ACSL6: variants seen among roughly 807,000 people sequenced by gnomAD.
ACSL6 encodes the protein long-chain-fatty-acid--CoA ligase 6.
A neutral mutation model predicts 98.2 loss-of-function variants in ACSL6; 47 were observed. The ratio of observed to expected loss-of-function variants is 0.48; its 90% CI spans 0.38 to 0.61. The LOEUF is 0.61. Ranked by LOEUF, ACSL6 falls within the 20% of genes least tolerant of loss-of-function variation. The probability of loss-of-function intolerance (pLI) is 0.00; values close to 1 mark genes in which losing one functional copy is unlikely to be tolerated. For missense variants in ACSL6, 761 were observed against 913.4 expected (o/e 0.83, Z 2.15); for synonymous variants, 362 against 336.9 (o/e 1.07, Z -0.82).
At chr5:131,971,109 T>C (rs996363354) in intron 14 of ACSL6, among the ~76,000 whole-genome samples, 2 of 152,164 alleles carry the variant, frequency 1.3e-5, no homozygotes, top group African/African-American at 4.8e-5. Flanking sequence ...GAATGGAAAA[T>C]GAAGAAATAA....
At chr5:131,976,584 A>C (rs1753628962) in intron 10 of ACSL6, 64 bp downstream of exon 10, 1 of 1,374,850 alleles carries the variant, frequency 7.3e-7, no homozygotes, top group African/African-American at 1.5e-5. Flanking sequence ...AAATAAAAAA[A>C]AATCCTCTGA....
At chr5:131,972,316 A>T (rs1170399964) in intron 13 of ACSL6, among the ~76,000 whole-genome samples, 1 of 152,184 alleles carries the variant, frequency 6.6e-6, no homozygotes, top group African/African-American at 2.4e-5. Context: ...GACAGAACAC[A>T]GAAAAGAAAA....
intron 9 of ACSL6, among the ~76,000 whole-genome samples, chr5:131,978,195 T>A (rs1431791330): frequency 2.6e-5 from 4 of 152,178 alleles, no homozygotes; most frequent in Non-Finnish European, 5.9e-5. Context: ...AGAAATCTTA[T>A]CCACGAGACC....
intron 1 of ACSL6, chr5:131,994,702 T>C: frequency 5.5e-6 from 1 of 181,746 alleles, no homozygotes; most frequent in East Asian, 1.4e-4. Flanking sequence ...TGCCCAGGGG[T>C]GAAGGAATGC....
intron 12 of ACSL6, 92 bp downstream of exon 12, chr5:131,973,174 G>A: frequency 6.7e-7 from 1 of 1,497,548 alleles, no homozygotes; most frequent in Non-Finnish European, 9.0e-7. Context: ...TGGCAGTGGA[G>A]GCACTGAAAG....
In ACSL6 at chr5:131,994,092, G is replaced by A; in HGVS notation, c.209C>T (p.Thr70Ile). Residue 70 changes from threonine to isoleucine, a missense_variant, in exon 2 of 21, where the codon ACT (threonine) becomes ATT (isoleucine). By Grantham distance (89) the Thr-to-Ile change is moderately conservative (BLOSUM62 -1). Coordinates refer to ENST00000651883, the MANE Select transcript of ACSL6 (RefSeq NM_001009185.3). Reference sequence around the variant, plus strand: ...CGGCTGCAAGGCCTTTGGCCGGTGAGTGAACCAGTAGGCAAGGATGGCAGC... The same window carrying A: ...CGGCTGCAAGGCCTTTGGCCGGTGAATGAACCAGTAGGCAAGGATGGCAGC... Reference protein sequence around the residue: ...ALAAILAYWFTHRPKALQPPC... With the variant: ...ALAAILAYWFIHRPKALQPPC... The A allele has an allele frequency of 6.2e-7, 1 of 1,614,206 alleles. No individual in the cohort carries two copies. The highest frequency in any genetic ancestry group is 8.5e-7 in the Non-Finnish European group (1 of 1,180,036).
intron 9 of ACSL6, among the ~76,000 whole-genome samples, chr5:131,981,021 C>T (rs1488765538): frequency 2.6e-5 from 4 of 152,122 alleles, no homozygotes; most frequent in African/African-American, 9.7e-5. Context: ...ACAAAGGAGG[C>T]AGAAGCCGTC....
chr5:132,000,868 C>T (rs1048779819), intron 1 of ACSL6, among the ~76,000 whole-genome samples: 19 of 152,184 alleles, frequency 1.2e-4, no homozygotes, highest in Non-Finnish European at 4.4e-5. Context: ...TGCCCAATTG[C>T]CTGGCAAGTC....
intron 17 of ACSL6, among the ~76,000 whole-genome samples, chr5:131,964,713 AC>A (rs1580633038): frequency 6.6e-6 from 1 of 152,350 alleles, no homozygotes; most frequent in East Asian, 1.9e-4. Flanking sequence ...CCCTGAGCCA[AC>A]AGGACAATCC....
At position 131,988,513 on chromosome 5, in the gene ACSL6, C is replaced by T. The variant is rs1224473548; in HGVS notation, c.653-287G>A. On this transcript the variant is annotated intron_variant, in intron 6 of 20. Coordinates refer to ENST00000651883, the MANE Select transcript of ACSL6 (RefSeq NM_001009185.3). ...GGTCTGTTTGAGATATTTACCACCCCCTGCATCTGTGCCAAGCTGTCATGA... is the reference window on the plus strand; with the variant it reads ...GGTCTGTTTGAGATATTTACCACCCTCTGCATCTGTGCCAAGCTGTCATGA... 6 of 1,607,216 alleles carry T rather than the reference C, an allele frequency of 3.7e-6. No individual in the cohort carries two copies. The African/African-American group carries it at 5.3e-5, about 14-fold the overall frequency.
chr5:131,981,216 T>G (rs1053559077), intron 9 of ACSL6, among the ~76,000 whole-genome samples: 15 of 149,980 alleles, frequency 1.0e-4, no homozygotes, highest in Non-Finnish European at 1.9e-4. Context: ...TTCTCAGCTA[T>G]AAGAAACACT....
At chr5:131,988,547 G>C (rs1754323666) in intron 6 of ACSL6, 1 of 1,552,530 alleles carries the variant, frequency 6.4e-7, no homozygotes, top group Non-Finnish European at 8.8e-7. Context: ...GAACTTCAGA[G>C]GGCTGTACCC....
upstream of ACSL6, chr5:132,011,924 G>A: frequency 1.3e-6 from 2 of 1,556,122 alleles, no homozygotes; most frequent in Non-Finnish European, 1.7e-6. This position sits in a 1 kb window ranked among gnomAD's most constrained non-coding sequence, Gnocchi z 5.4. Flanking sequence ...CTGGCATTCT[G>A]CGGAAACCGG....
At chr5:132,009,213 TTA>T (rs1321152070) in intron 1 of ACSL6, among the ~76,000 whole-genome samples, 1 of 152,158 alleles carries the variant, frequency 6.6e-6, no homozygotes, top group Non-Finnish European at 1.5e-5. Flanking sequence ...ATCCCCGACT[TTA>T]TGTCATCTCT....
At position 131,988,496 on chromosome 5, in the gene ACSL6, T is replaced by C. The variant is rs530940241; in HGVS notation, c.653-270A>G. The C allele has an allele frequency of 2.0e-6, 3 of 1,519,274 alleles. No homozygotes were observed. In the Admixed American group the frequency reaches 5.0e-5, roughly 25 times the overall value. The allele number at this position is 1,519,274 out of a possible 1,614,324, so 94.1% of individuals were successfully genotyped here. ...CTGCCCCCATCATCCCAGGTCTGTT[T>C]GAGATATTTACCACCCCCTGCATCT... On this transcript the variant is annotated intron_variant, in intron 6 of 20. Transcript: ENST00000651883.
intron 1 of ACSL6, 40 bp from the exon 2 acceptor site, chr5:131,994,291 G>A (rs770653253): frequency 8.5e-6 from 13 of 1,535,298 alleles, no homozygotes; most frequent in South Asian, 5.9e-5. Flanking sequence ...GAGACCTGAC[G>A]GGCAGGTTAG....
intron 1 of ACSL6, among the ~76,000 whole-genome samples, chr5:132,009,239 T>G (rs531519386): frequency 4.1e-4 from 62 of 152,114 alleles, no homozygotes; most frequent in Non-Finnish European, 6.8e-4. Context: ...TGAGGGCCCT[T>G]GAGGGAAACC....
At chr5:131,983,072 T>C (rs1205659961) in intron 9 of ACSL6, 2 of 152,236 alleles carry the variant, frequency 1.3e-5, no homozygotes, top group African/African-American at 4.8e-5. Context: ...AAGCACTGTA[T>C]TTTCTTTGCT....
At position 131,966,417 on chromosome 5, in the gene ACSL6, G is replaced by A. The variant is rs141318736; in HGVS notation, c.1712C>T (p.Pro571Leu). The change falls in exon 17 of 21, where the codon CCG becomes CTG. Residue 571 changes from proline to leucine, a missense_variant and splice_region_variant. Coordinates refer to ENST00000651883, the MANE Select transcript of ACSL6 (RefSeq NM_001009185.3). Reference sequence around the variant, plus strand: ...CTCCGTGGTTCCAAACATACACACCGGCAGCCATTTTCCGATGTCTCCAGT... The same window carrying A: ...CTCCGTGGTTCCAAACATACACACCAGCAGCCATTTTCCGATGTCTCCAGT... ...LHTGDIGKWL[P>L]AGTLKIIDRK... 404 of 1,613,954 alleles carry A rather than the reference G, an allele frequency of 2.5e-4. No homozygotes were observed. In the African/African-American group the frequency reaches 3.9e-3, roughly 16 times the overall value.
Sources: gnomAD v4.1 joint callset for allele counts (sites outside exome capture counted in the v4.1 genomes callset) on GRCh38, gnomAD v4.1.1 for gene constraint, Gnocchi (gnomAD v3.1) non-coding constraint, MANE v1.5 for transcripts, NCBI Gene and HGNC (gene_info 2026-07-23, HGNC 2026-07-21) for gene names.